The following GSK3B variants were observed in gnomAD, a reference collection of about 807,000 sequenced individuals.
GSK3B encodes the protein glycogen synthase kinase 3 beta.
GSK3B carries 15 observed loss-of-function variants against 56.4 expected under a neutral mutation model. The ratio of observed to expected loss-of-function variants is 0.27; its 90% CI spans 0.18 to 0.41. GSK3B has a LOEUF of 0.41. Among genes scored for constraint, GSK3B ranks in the 10% least tolerant of loss-of-function variants. The pLI is 1.00. For missense variants in GSK3B, 300 were observed against 513.4 expected, an observed-to-expected ratio of 0.58 and a Z score of 4.02; for synonymous variants, 181 against 188.9, an observed-to-expected ratio of 0.96 and a Z score of 0.34.
rs1468959519 is a variant in GSK3B, at chr3:119,823,037, A to T, written c.*3751T>A. ...ACATAAACCAAAAATGTGTCTAAAA[A>T]TTAAGAGGACTTAAAAAAAATGACA... is the stretch of plus-strand genomic sequence containing the variant. On this transcript the variant is annotated 3_prime_UTR_variant, in exon 11 of 11. Coordinates refer to ENST00000264235, the MANE Select transcript of GSK3B (RefSeq NM_001146156.2). 8.7e-6 allele frequency: 2 copies of T among 229,760 alleles called. No individual in the cohort carries two copies. 14.2% of individuals were successfully genotyped at this position (229,760 alleles called of 1,614,324 possible).
chr3:119,891,765 AAG>A (rs756636966), intron 7 of GSK3B, among the ~76,000 whole-genome samples: 25 of 152,258 alleles, frequency 1.6e-4, no homozygotes, highest in Non-Finnish European at 2.8e-4. Flanking sequence ...TTTCATACAA[AAG>A]AGGGGGGAAT....
Position 119,828,289 on chromosome 3 carries a change from C to G in GSK3B, c.1196-1434G>C, listed in dbSNP as rs114555945. Among the ~76,000 whole-genome samples, 643 of 152,322 alleles carry G rather than the reference C, an allele frequency of 4.2e-3. 1 individual carries two copies. Among genetic ancestry groups the G allele is most frequent in the African/African-American group, 0.015 (609 of 41,562 alleles). ...CATCCATTAACATTTAAGTGGGCAT[C>G]TAACTGTGTCCAAATTGGTTTAGTA... is the stretch of plus-strand genomic sequence containing the variant. On this transcript the variant is annotated intron_variant, in intron 10 of 10. Coordinates refer to ENST00000264235, the MANE Select transcript of GSK3B (RefSeq NM_001146156.2).
intron 10 of GSK3B, among the ~76,000 whole-genome samples, chr3:119,832,469 G>C (rs999136603): frequency 6.6e-6 from 1 of 152,110 alleles, no homozygotes. Context: ...ATGTTGGGGG[G>C]GTAAACTAAT....
intron 1 of GSK3B, among the ~76,000 whole-genome samples, chr3:120,079,878 A>G (rs150765138): frequency 6.6e-6 from 1 of 152,234 alleles, no homozygotes; most frequent in African/African-American, 2.4e-5. Flanking sequence ...ATTGTACCCT[A>G]TACCAGCCAA....
intron 10 of GSK3B, 77 bp from the exon 11 acceptor site, chr3:119,826,932 T>C (rs1250354125): frequency 4.5e-6 from 4 of 888,768 alleles, no homozygotes; most frequent in Non-Finnish European, 5.6e-6. Context: ...CTGTTTCAAC[T>C]GCAGGCTGTG....
At chr3:119,930,640 A>G (rs1421930499) in intron 3 of GSK3B, among the ~76,000 whole-genome samples, 1 of 152,242 alleles carries the variant, frequency 6.6e-6, no homozygotes, top group Non-Finnish European at 1.5e-5. Context: ...TCAATGTATT[A>G]TTGAGAATGA....
At chr3:119,972,861 A>G (rs1182508825) in intron 2 of GSK3B, among the ~76,000 whole-genome samples, 1 of 152,214 alleles carries the variant, frequency 6.6e-6, no homozygotes, top group African/African-American at 2.4e-5. Flanking sequence ...TTATTAAAAA[A>G]CAATAACAAA....
chr3:119,827,727 G>A (rs2055536762), intron 10 of GSK3B, among the ~76,000 whole-genome samples: 1 of 151,862 alleles, frequency 6.6e-6, no homozygotes, highest in Non-Finnish European at 1.5e-5. Context: ...GCCAGACAGA[G>A]AAAGACAAAC....
In GSK3B at chr3:120,057,123, C is replaced by A. The variant is rs564697134; in HGVS notation, c.88+36224G>T. On this transcript the variant is annotated intron_variant, in intron 1 of 10. Coordinates refer to ENST00000264235, the MANE Select transcript of GSK3B (RefSeq NM_001146156.2). ...TCGTGCCACTGCACTCCCGCCTGGG[C>A]AACAGAGCAAGATTCTGTCTCAAAA... is the stretch of plus-strand genomic sequence containing the variant. Among the ~76,000 whole-genome samples the A allele has an allele frequency of 2.9e-3, 442 of 152,116 alleles. 7 individuals are homozygous for A. In the South Asian group the frequency reaches 0.034, roughly 12 times the overall value.
At chr3:120,022,563 AAG>A (rs138598577) in intron 1 of GSK3B, among the ~76,000 whole-genome samples, 6 of 151,160 alleles carry the variant, frequency 4.0e-5, no homozygotes, top group Admixed American at 6.6e-5. Context: ...CTCCCCACAA[AAG>A]AGAGAGAGAG....
intron 7 of GSK3B, among the ~76,000 whole-genome samples, chr3:119,898,491 G>C (rs1231884813): frequency 6.6e-6 from 1 of 152,118 alleles, no homozygotes; most frequent in Admixed American, 6.6e-5. Flanking sequence ...TCACTAATTT[G>C]CTGGTAGACA....
At chr3:119,854,131 T>C (rs1029995453) in intron 9 of GSK3B, among the ~76,000 whole-genome samples, 1 of 152,152 alleles carries the variant, frequency 6.6e-6, no homozygotes, top group African/African-American at 2.4e-5. Context: ...AGCATGAAGG[T>C]CTGTTGAATT....
At chr3:119,916,938 A>T (rs1339630512) in intron 4 of GSK3B, among the ~76,000 whole-genome samples, 9 of 152,108 alleles carry the variant, frequency 5.9e-5, no homozygotes, top group Admixed American at 5.2e-4. Flanking sequence ...AAAGAATCAG[A>T]CTCTTGACTG....
intron 3 of GSK3B, among the ~76,000 whole-genome samples, chr3:119,934,363 C>T (rs2056974281): frequency 6.6e-6 from 1 of 152,084 alleles, no homozygotes; most frequent in South Asian, 2.1e-4. Context: ...ACGTGTAACC[C>T]CAGTTTTATC....
intron 1 of GSK3B, among the ~76,000 whole-genome samples, chr3:120,024,995 T>C (rs1166781722): frequency 6.6e-6 from 1 of 152,192 alleles, no homozygotes; most frequent in Non-Finnish European, 1.5e-5. Context: ...ATAGACTCAC[T>C]AATCTACCTG....
At chr3:119,931,913 T>G (rs572082288) in intron 3 of GSK3B, among the ~76,000 whole-genome samples, 2 of 152,312 alleles carry the variant, frequency 1.3e-5, no homozygotes, top group East Asian at 3.9e-4. Flanking sequence ...ATTTTATTAA[T>G]AAACTATTCT....
intron 10 of GSK3B, among the ~76,000 whole-genome samples, chr3:119,835,692 G>T (rs893788756): frequency 6.6e-6 from 1 of 151,772 alleles, no homozygotes; most frequent in South Asian, 2.1e-4. Context: ...TTAAAAAGTT[G>T]CAGACTTTTA....
chr3:119,921,436 T>C (rs2056838594), intron 4 of GSK3B, among the ~76,000 whole-genome samples: 1 of 152,196 alleles, frequency 6.6e-6, no homozygotes. Context: ...ATGTTCTTCC[T>C]TCAGAAAGCA....
At chr3:119,908,727 T>TA (rs1021969567) in intron 6 of GSK3B, among the ~76,000 whole-genome samples, 23 of 152,320 alleles carry the variant, frequency 1.5e-4, no homozygotes, top group African/African-American at 5.5e-4. Flanking sequence ...GAGGACACTT[T>TA]GTACTCTTTG....
Sources: allele counts gnomAD v4.1 joint callset (sites outside exome capture counted in the v4.1 genomes callset), GRCh38; gene constraint gnomAD v4.1.1; transcripts MANE v1.5; gene names NCBI Gene and HGNC (gene_info 2026-07-23, HGNC 2026-07-21).